Variants in ARHGAP24 observed in about 807,000 individuals in gnomAD.
The protein encoded by ARHGAP24 is rho GTPase-activating protein 24.
A neutral mutation model predicts 76.4 loss-of-function variants in ARHGAP24; 50 were observed. The ratio of observed to expected loss-of-function variants is 0.65; its 90% confidence interval spans 0.52 to 0.83. ARHGAP24 has a LOEUF of 0.83. Among genes scored for constraint, ARHGAP24 ranks in the 40% least tolerant of loss-of-function variants. The pLI, the probability that ARHGAP24 is intolerant of heterozygous loss-of-function variation, is 0.00. For missense variants in ARHGAP24, 930 were observed against 914.2 expected, an observed-to-expected ratio of 1.02 and a Z score of -0.22; for synonymous variants, 345 against 323.3, an observed-to-expected ratio of 1.07 and a Z score of -0.72.
rs114076564 is a variant in ARHGAP24, at chr4:85,569,786, A to C, written c.-20-736A>C. ...AATAGTCTGGGAAACAGAGGGTAGA[A>C]ACATCTTGAGATATGTTCACCTATG... is the stretch of plus-strand genomic sequence containing the variant. On this transcript the variant is annotated intron_variant, in intron 1 of 9. Transcript: ENST00000395184. Among the ~76,000 whole-genome samples, 888 of 152,328 alleles carry C rather than the reference A, an allele frequency of 5.8e-3. 9 individuals are homozygous for C. The highest frequency in any genetic ancestry group is 0.02 in the African/African-American group (824 of 41,582).
At chr4:85,579,184 T>C (rs1039734785) in intron 2 of ARHGAP24, among the ~76,000 whole-genome samples, 1 of 152,148 alleles carries the variant, frequency 6.6e-6, no homozygotes, top group African/African-American at 2.4e-5. Context: ...GGGAGAACTA[T>C]TGGAGTTGAA....
At chr4:85,500,348 G>A (rs1420835744) in intron 1 of ARHGAP24, among the ~76,000 whole-genome samples, 2 of 152,132 alleles carry the variant, frequency 1.3e-5, no homozygotes, top group Non-Finnish European at 2.9e-5. Flanking sequence ...CAGTGCCATG[G>A]CTCTACAAGG....
chr4:86,000,941 A>C lies in ARHGAP24; in HGVS notation c.*219A>C, dbSNP rs1334947087. On this transcript the variant is annotated 3_prime_UTR_variant, in exon 10 of 10. Coordinates refer to ENST00000395184, the MANE Select transcript of ARHGAP24 (RefSeq NM_001025616.3). ...TCAAGTGTTACAACTGGATATGTGT[A>C]TATAGAGTAGTTTTTCAAAAGTAAA... The C allele has an allele frequency of 5.2e-5, 32 of 609,534 alleles. 1 individual carries two copies. Among genetic ancestry groups the C allele is most frequent in the Non-Finnish European group, 7.6e-5 (28 of 366,362 alleles). The allele number at this position is 609,534 out of a possible 1,614,324, so 37.8% of individuals were successfully genotyped here.
intron 3 of ARHGAP24, among the ~76,000 whole-genome samples, chr4:85,879,245 A>G (rs1233637694): frequency 6.6e-6 from 1 of 152,234 alleles, no homozygotes; most frequent in Non-Finnish European, 1.5e-5. Context: ...GTTATATTAC[A>G]TGAATAATGG....
intron 2 of ARHGAP24, among the ~76,000 whole-genome samples, chr4:85,574,205 G>A (rs1727267208): frequency 6.6e-6 from 1 of 152,094 alleles, no homozygotes; most frequent in African/African-American, 2.4e-5. Flanking sequence ...AATTTTCACT[G>A]AGTTGTTTTA....
At chr4:85,878,484 A>T (rs1192639782) in intron 3 of ARHGAP24, among the ~76,000 whole-genome samples, 1 of 152,164 alleles carries the variant, frequency 6.6e-6, no homozygotes, top group Admixed American at 6.5e-5. Context: ...TAAGATAGAG[A>T]AGAAGAATTC....
At chr4:85,610,743 C>A (rs996229238) in intron 2 of ARHGAP24, among the ~76,000 whole-genome samples, 3 of 152,062 alleles carry the variant, frequency 2.0e-5, no homozygotes, top group African/African-American at 7.2e-5. Context: ...ACAAAGTTTC[C>A]ATTCACATTC....
At chr4:85,562,763 T>C (rs1225495732) in intron 1 of ARHGAP24, among the ~76,000 whole-genome samples, 1 of 152,182 alleles carries the variant, frequency 6.6e-6, no homozygotes, top group Non-Finnish European at 1.5e-5. Context: ...AGATGCAGAA[T>C]ATCAGGAATG....
intron 2 of ARHGAP24, among the ~76,000 whole-genome samples, chr4:85,649,604 GTC>G (rs1287276066): frequency 5.9e-5 from 9 of 152,080 alleles, no homozygotes; most frequent in Non-Finnish European, 2.9e-5. Flanking sequence ...TCATTTAATG[GTC>G]TGTCAGTATG....
At chr4:85,835,557 A>AC (rs1020460994) in intron 3 of ARHGAP24, among the ~76,000 whole-genome samples, 1 of 47,062 alleles carries the variant, frequency 2.1e-5, no homozygotes, top group African/African-American at 1.0e-4. Context: ...CTCCATCTCA[A>AC]AAAAAAAAAA....
intron 2 of ARHGAP24, among the ~76,000 whole-genome samples, chr4:85,571,290 AT>A (rs1357024770): frequency 6.6e-6 from 1 of 152,114 alleles, no homozygotes; most frequent in South Asian, 2.1e-4. Context: ...GTGGTTCTTT[AT>A]TTGCTTATTT....
chr4:85,963,762 TG>T (rs1161354726), intron 5 of ARHGAP24, among the ~76,000 whole-genome samples: 1 of 152,192 alleles, frequency 6.6e-6, no homozygotes, highest in Non-Finnish European at 1.5e-5. Context: ...AAGTGTTTTT[TG>T]TGGGATACAT....
chr4:85,871,833 A>G (rs1438292996), intron 3 of ARHGAP24, among the ~76,000 whole-genome samples: 1 of 152,138 alleles, frequency 6.6e-6, no homozygotes, highest in Non-Finnish European at 1.5e-5. Flanking sequence ...TCCCGCCAAC[A>G]AAGAAATATA....
At position 85,699,843 on chromosome 4, in the gene ARHGAP24, A is replaced by G. The variant is rs936588494; in HGVS notation, c.181-22042A>G. On this transcript the variant is annotated intron_variant, in intron 2 of 9. Coordinates refer to ENST00000395184, the MANE Select transcript of ARHGAP24 (RefSeq NM_001025616.3). The stretch of plus-strand genomic sequence containing the variant: ...TAGGACTGAGATCTTTATTTTGTTC[A>G]CTGATGTATCCAAAGTACCTAGAAT... Among the ~76,000 whole-genome samples, 6 of 152,074 alleles carry G rather than the reference A, an allele frequency of 3.9e-5. No homozygotes were observed. In the South Asian group the frequency reaches 1.2e-3, roughly 31 times the overall value.
intron 2 of ARHGAP24, among the ~76,000 whole-genome samples, chr4:85,577,435 G>A (rs1727425649): frequency 6.6e-6 from 1 of 152,046 alleles, no homozygotes; most frequent in African/African-American, 2.4e-5. Flanking sequence ...TTGCCTAGAA[G>A]GATCAGATGG....
intron 2 of ARHGAP24, among the ~76,000 whole-genome samples, chr4:85,642,519 C>A (rs1046764894): frequency 3.9e-5 from 6 of 152,128 alleles, no homozygotes; most frequent in African/African-American, 1.4e-4. Context: ...AATGCAGTTT[C>A]ATCTTTCTTA....
At position 85,995,406 on chromosome 4, in the gene ARHGAP24, T is replaced by G. The variant is rs1740600071; in HGVS notation, c.1752T>G (p.Phe584Leu). 4 of 1,612,770 alleles carry G rather than the reference T, an allele frequency of 2.5e-6. No homozygotes were observed. The highest frequency in any genetic ancestry group is 1.1e-5 in the South Asian group (1 of 91,058). ...STTTCPEQDFFGGNFEDPVLD... is the reference protein window; with the variant it reads ...STTTCPEQDFLGGNFEDPVLD... ...CCACCTGCCCAGAGCAAGACTTTTT[T>G]GGGGGGAACTTTGAGGACCCTGTTT... The change falls in exon 9 of 10, where the codon TTT becomes TTG. Residue 584 changes from phenylalanine (F) to leucine (L), a missense_variant. Physicochemically the swap from Phe to Leu is conservative, Grantham distance 22. Coordinates refer to ENST00000395184, the MANE Select transcript of ARHGAP24 (RefSeq NM_001025616.3).
intron 3 of ARHGAP24, among the ~76,000 whole-genome samples, chr4:85,908,851 T>C (rs1281163407): frequency 2.7e-5 from 4 of 150,816 alleles, no homozygotes; most frequent in African/African-American, 9.8e-5. Flanking sequence ...CTTTCTCAGA[T>C]AATTAAAAAG....
chr4:85,548,475 T>A (rs1362874117), intron 1 of ARHGAP24, among the ~76,000 whole-genome samples: 1 of 152,178 alleles, frequency 6.6e-6, no homozygotes, highest in Admixed American at 6.5e-5. Context: ...ACAGGATGCA[T>A]TCTGGTGTCC....
Sources: gnomAD v4.1 joint callset for allele counts (sites outside exome capture counted in the v4.1 genomes callset) on GRCh38, gnomAD v4.1.1 for gene constraint, MANE v1.5 for transcripts, NCBI Gene and HGNC (gene_info 2026-07-23, HGNC 2026-07-21) for gene names.